RNF212: variants seen among roughly 807,000 people sequenced by gnomAD.
RNF212 encodes ring finger protein 212.
Under a neutral mutation model 34.7 loss-of-function variants are expected in RNF212, and 33 were observed. The observed-to-expected ratio is 0.95, with a 90% CI of 0.72 to 1.27. RNF212 has a LOEUF of 1.27. Ranked by LOEUF, RNF212 falls within the 50% of genes most tolerant of loss-of-function variation. The pLI is 0.00. For missense variants in RNF212, 377 were observed against 362.2 expected (o/e 1.04, Z -0.33); for synonymous variants, 140 against 136.1 (o/e 1.03, Z -0.20).
At position 1,073,605 on chromosome 4, in the gene RNF212, G is replaced by A. The variant is rs780533022; in HGVS notation, c.568C>T (p.Arg190Ter). 32 of 1,603,614 alleles carry A rather than the reference G, an allele frequency of 2.0e-5. No homozygotes were observed. Among genetic ancestry groups the A allele is most frequent in the Non-Finnish European group, 2.6e-5 (31 of 1,170,770 alleles). The change falls in exon 9 of 10, where the codon CGA (arginine) becomes TGA (stop). Residue 190 changes from arginine (R) to a stop codon, truncating the protein, a stop_gained. Transcript: ENST00000433731. LOFTEE classifies it low-confidence loss of function (END_TRUNC). ...TACAGGACATTTTACTTACCCATTC[G>A]TCCATCTTGAGGTGGACTAATCATG... ...ISMISPPQDG[R>*]MGPHLTASFC...
At chr4:1,059,193 AG>A (rs916118186) in intron 3 of RNF212, among the ~76,000 whole-genome samples, 7 of 152,338 alleles carry the variant, frequency 4.6e-5, no homozygotes, top group African/African-American at 1.4e-4. Flanking sequence ...CCCGAGCACA[AG>A]GCAGCCTCCG....
At chr4:1,100,542 GGATTACAGGCGT>G (rs1723812791) in intron 2 of RNF212, among the ~76,000 whole-genome samples, 1 of 151,722 alleles carries the variant, frequency 6.6e-6, no homozygotes, top group African/African-American at 2.4e-5. Flanking sequence ...CAAGTAATTG[GGATTACAGGCGT>G]GTGCTACTGA....
intron 2 of RNF212, among the ~76,000 whole-genome samples, chr4:1,097,713 A>G (rs2924495): frequency 0.18 from 27,977 of 152,028 alleles, 4,148 homozygotes; most frequent in African/African-American, 0.42. Context: ...CCAGGACCAC[A>G]TTAGCACAAA....
In RNF212 at chr4:1,113,533, C is replaced by T. The variant is rs1162222808; in HGVS notation, c.-69G>A. 1.5e-6 allele frequency: 2 copies of T among 1,325,702 alleles called. No homozygotes were observed. Among genetic ancestry groups the T allele is most frequent in the Admixed American group, 1.9e-5 (1 of 51,494 alleles). The allele number at this position is 1,325,702 out of a possible 1,614,324, so 82.1% of individuals were successfully genotyped here. On this transcript the variant is annotated 5_prime_UTR_variant, in exon 1 of 10. Transcript: ENST00000433731. ...CCCACGCAAGGTTGGGACCAGCCTC[C>T]CCGCGCAGGGCCCGAAGGCGGGCAG...
Position 1,107,021 on chromosome 4 carries a change from T to C in RNF212, c.171+1322A>G, listed in dbSNP as rs530570974. Among the ~76,000 whole-genome samples the C allele has an allele frequency of 1.0e-3, 156 of 152,022 alleles. 1 individual carries two copies. The highest frequency in any genetic ancestry group is 3.5e-3 in the African/African-American group (147 of 41,472). ...ATAATGCAGTCCTTTTAAGAGTGAG[T>C]GTGCCCAAAATATAATGTCAACTGA... On this transcript the variant is annotated intron_variant, in intron 2 of 9. Transcript: ENST00000433731.
chr4:1,111,876 T>A (rs1725719757), intron 1 of RNF212, among the ~76,000 whole-genome samples: 1 of 152,154 alleles, frequency 6.6e-6, no homozygotes, highest in Non-Finnish European at 1.5e-5. Flanking sequence ...ACTTGGGGTG[T>A]ATCCATACAA....
rs906954194 is a variant in RNF212 at position 1,111,419 on chromosome 4, G to A, written c.109+1937C>T. ...GGATGGCTCTCACAGGATACAGGCCGTGTCCAGACATGAGCTCAGGGGCCC... is the reference window on the plus strand; with the variant it reads ...GGATGGCTCTCACAGGATACAGGCCATGTCCAGACATGAGCTCAGGGGCCC... On this transcript the variant is annotated intron_variant, in intron 1 of 9. Transcript: ENST00000433731. 5.3e-5 allele frequency among the ~76,000 whole-genome samples: 8 copies of A among 152,126 alleles called. No individual in the cohort carries two copies. In the East Asian group the frequency reaches 5.8e-4, roughly 11 times the overall value.
chr4:1,112,548 C>G (rs1725852906), intron 1 of RNF212, among the ~76,000 whole-genome samples: 1 of 151,990 alleles, frequency 6.6e-6, no homozygotes, highest in African/African-American at 2.4e-5. Context: ...GGGCCCCGCG[C>G]TGCCCATGGA....
intron 2 of RNF212, among the ~76,000 whole-genome samples, chr4:1,104,910 G>A (rs113410081): frequency 8.1e-4 from 123 of 152,292 alleles, no homozygotes; most frequent in African/African-American, 2.7e-3. Context: ...ACAGGTGCAC[G>A]TCATGAGGCA....
At chr4:1,112,350 A>G (rs1037809041) in intron 1 of RNF212, among the ~76,000 whole-genome samples, 7 of 152,184 alleles carry the variant, frequency 4.6e-5, no homozygotes, top group African/African-American at 1.7e-4. Context: ...AGGTCAGCAC[A>G]GCTGGCGTCC....
Position 1,072,821 on chromosome 4 carries a change from C to G in RNF212, c.*53G>C. ...AAGCAGATAATTTGTAGAAAAAACA[C>G]AGAGGAATAAATTGAAAACACTCAG... On this transcript the variant is annotated 3_prime_UTR_variant, in exon 10 of 10. Coordinates refer to ENST00000433731, the MANE Select transcript of RNF212 (RefSeq NM_001131034.4). The G allele has an allele frequency of 6.6e-7, 1 of 1,508,708 alleles. No homozygotes were observed. The highest frequency in any genetic ancestry group is 8.9e-7 in the Non-Finnish European group (1 of 1,124,832). 93.5% of individuals were successfully genotyped at this position (1,508,708 alleles called of 1,614,324 possible). A position where few individuals can be genotyped will look rare whatever the true frequency, so the allele number is the denominator to read the frequency against.
At chr4:1,107,913 A>G (rs1229693376) in intron 2 of RNF212, among the ~76,000 whole-genome samples, 1 of 152,256 alleles carries the variant, frequency 6.6e-6, no homozygotes, top group Non-Finnish European at 1.5e-5. Context: ...GTTTATACCA[A>G]TAACAAGTTA....
At chr4:1,111,323 C>T (rs1309299844) in intron 1 of RNF212, among the ~76,000 whole-genome samples, 5 of 152,142 alleles carry the variant, frequency 3.3e-5, no homozygotes, top group South Asian at 2.1e-4. Context: ...CCGTATTAAT[C>T]GCTCCCCAAA....
chr4:1,064,065 G>C (rs1245946891), intron 3 of RNF212, among the ~76,000 whole-genome samples: 1 of 151,966 alleles, frequency 6.6e-6, no homozygotes, highest in South Asian at 2.1e-4. Context: ...AATCTTCCCT[G>C]CAAGAAAAAA....
intron 2 of RNF212, chr4:1,101,353 C>G (rs1212725814): frequency 8.8e-6 from 2 of 227,336 alleles, no homozygotes; most frequent in Non-Finnish European, 1.8e-5. Flanking sequence ...GGGAAACCAC[C>G]TAGCTTTGTT....
rs78930395 is a variant in RNF212, at chr4:1,079,743, C to T, written c.465-55G>A. 4.8e-4 allele frequency: 575 copies of T among 1,204,226 alleles called. 4 individuals are homozygous for T. In the East Asian group the frequency reaches 0.013, roughly 26 times the overall value. 74.6% of individuals were successfully genotyped at this position (1,204,226 alleles called of 1,614,324 possible). A position where few individuals can be genotyped will look rare whatever the true frequency, so the allele number is the denominator to read the frequency against. On this transcript the variant is annotated intron_variant, in intron 7 of 9. Transcript: ENST00000433731. ...TGAGCCCAGGACTTACCTCTAACAA[C>T]GTCAGTTGAAATACACACATGACGA...
chr4:1,081,713 G>GAAGGCTC (rs1435721795), intron 5 of RNF212, 94 bp from the exon 6 acceptor site: 2 of 879,692 alleles, frequency 2.3e-6, no homozygotes, highest in Non-Finnish European at 3.7e-6. Context: ...CTCTGAATCA[G>GAAGGCTC]TGAAATGTTC....
intron 3 of RNF212, among the ~76,000 whole-genome samples, chr4:1,092,704 C>G (rs913730577): frequency 1.3e-5 from 2 of 152,262 alleles, no homozygotes. Context: ...CTGCGATGGT[C>G]ACAGAGGCTG....
At chr4:1,060,711 T>C (rs1268594024) in intron 3 of RNF212, among the ~76,000 whole-genome samples, 1 of 152,260 alleles carries the variant, frequency 6.6e-6, no homozygotes, top group Non-Finnish European at 1.5e-5. Flanking sequence ...GCAGCCTGTT[T>C]CCCTGTGATG....
Sources: allele counts gnomAD v4.1 joint callset (sites outside exome capture counted in the v4.1 genomes callset), GRCh38; gene constraint gnomAD v4.1.1; transcripts MANE v1.5; gene names NCBI Gene and HGNC (gene_info 2026-07-23, HGNC 2026-07-21).